The following SUMF1 variants were observed in gnomAD, a reference collection of about 807,000 sequenced individuals.
SUMF1 encodes sulfatase modifying factor 1, also known as formylglycine-generating enzyme.
SUMF1 carries 48 observed loss-of-function variants against 47.6 expected under a neutral mutation model. The ratio of observed to expected loss-of-function variants is 1.01; its 90% CI spans 0.80 to 1.28. The LOEUF (loss-of-function observed/expected upper bound fraction) is 1.28. SUMF1 is among the 50% of genes most tolerant of loss of function. The pLI is 0.00. For synonymous variants in SUMF1, 230 were observed against 192.1 expected (o/e 1.20, Z -1.63); for missense variants, 571 against 485.4 (o/e 1.18, Z -1.66).
chr3:4,359,786 A>C (rs2125169882), downstream of SUMF1, among the ~76,000 whole-genome samples: 1 of 152,182 alleles, frequency 6.6e-6, no homozygotes, highest in South Asian at 2.1e-4. Flanking sequence ...ACACCTGGGG[A>C]TTATGGGAAC....
intron 8 of SUMF1, among the ~76,000 whole-genome samples, chr3:4,209,943 G>A (rs531208290): frequency 5.9e-5 from 9 of 152,164 alleles, no homozygotes; most frequent in South Asian, 2.1e-4. Flanking sequence ...CACCCAGGCT[G>A]GAGTGCAGTG....
intron 7 of SUMF1, among the ~76,000 whole-genome samples, chr3:4,394,954 C>A (rs1321556105): frequency 6.6e-6 from 1 of 152,322 alleles, no homozygotes; most frequent in African/African-American, 2.4e-5. Context: ...GAGAAAGGAA[C>A]TCTTTGTTTT....
At chr3:4,456,652 G>A (rs1456265093) in intron 1 of SUMF1, among the ~76,000 whole-genome samples, 5 of 137,732 alleles carry the variant, frequency 3.6e-5, no homozygotes, top group African/African-American at 1.2e-4. Context: ...ATATATATAT[G>A]TGTGTGTATA....
At chr3:4,231,193 T>C (rs1044464811) in intron 8 of SUMF1, among the ~76,000 whole-genome samples, 1 of 152,120 alleles carries the variant, frequency 6.6e-6, no homozygotes, top group African/African-American at 2.4e-5. Flanking sequence ...TTTTGAGAGG[T>C]GGGAACGCAT....
chr3:4,134,235 A>C (rs1693865103), intron 8 of SUMF1, among the ~76,000 whole-genome samples: 1 of 152,106 alleles, frequency 6.6e-6, no homozygotes, highest in Admixed American at 6.5e-5. Flanking sequence ...ACTCCTCAGC[A>C]AATGTAAAAG....
chr3:4,175,414 C>G (rs1269831000), intron 8 of SUMF1, among the ~76,000 whole-genome samples: 1 of 152,106 alleles, frequency 6.6e-6, no homozygotes, highest in East Asian at 1.9e-4. Flanking sequence ...GAGTGGAACT[C>G]CAGCAAACTC....
At chr3:4,387,848 G>C (rs1233471817) in intron 7 of SUMF1, among the ~76,000 whole-genome samples, 3 of 151,932 alleles carry the variant, frequency 2.0e-5, no homozygotes, top group Non-Finnish European at 4.4e-5. Context: ...TTAGAAGCGT[G>C]TTTCATAGTT....
intron 8 of SUMF1, among the ~76,000 whole-genome samples, chr3:4,231,535 A>T (rs1696299696): frequency 6.6e-6 from 1 of 152,186 alleles, no homozygotes; most frequent in Non-Finnish European, 1.5e-5. Flanking sequence ...ACTTGAATTG[A>T]TTATTTTGAA....
intron 8 of SUMF1, among the ~76,000 whole-genome samples, chr3:4,195,679 A>C (rs1189765772): frequency 6.6e-6 from 1 of 152,178 alleles, no homozygotes; most frequent in East Asian, 1.9e-4. Flanking sequence ...CTGAATATTC[A>C]AAAAGCAGAT....
intron 8 of SUMF1, among the ~76,000 whole-genome samples, chr3:4,169,450 C>T (rs1485264): frequency 0.019 from 2,853 of 152,112 alleles, 84 homozygotes; most frequent in African/African-American, 0.066. Context: ...GTGACTGGAA[C>T]GAGGCATCTA....
At chr3:4,251,042 A>T (rs148203761) in intron 8 of SUMF1, among the ~76,000 whole-genome samples, 27 of 152,334 alleles carry the variant, frequency 1.8e-4, no homozygotes, top group African/African-American at 6.0e-4. Flanking sequence ...TGCCATAGAT[A>T]ATGATTCCTC....
intron 8 of SUMF1, among the ~76,000 whole-genome samples, chr3:4,080,703 T>C (rs773366450): frequency 2.6e-4 from 40 of 152,182 alleles, no homozygotes; most frequent in African/African-American, 3.6e-4. Flanking sequence ...AATAAAAGAA[T>C]ACAATATAAA....
intron 8 of SUMF1, among the ~76,000 whole-genome samples, chr3:4,206,980 A>G (rs1277654080): frequency 6.6e-6 from 1 of 152,118 alleles, no homozygotes; most frequent in East Asian, 1.9e-4. Context: ...CTTCTAATCC[A>G]CAAACATAGT....
chr3:4,191,733 T>C (rs1695319052), intron 8 of SUMF1, among the ~76,000 whole-genome samples: 1 of 152,056 alleles, frequency 6.6e-6, no homozygotes, highest in Non-Finnish European at 1.5e-5. Flanking sequence ...AACATCTGGG[T>C]CAGTAATAAT....
chr3:4,131,175 T>G (rs778970876), intron 8 of SUMF1, among the ~76,000 whole-genome samples: 28 of 152,168 alleles, frequency 1.8e-4, no homozygotes, highest in Admixed American at 6.5e-4. Flanking sequence ...TTCTGACCCA[T>G]CTAGCCATGA....
At chr3:4,435,178 C>A (rs758941283) in intron 3 of SUMF1, among the ~76,000 whole-genome samples, 5 of 152,148 alleles carry the variant, frequency 3.3e-5, no homozygotes, top group African/African-American at 9.7e-5. Flanking sequence ...CCGCCCACCT[C>A]GGCCGCCCAA....
At chr3:4,170,801 T>G (rs552098452) in intron 8 of SUMF1, among the ~76,000 whole-genome samples, 1 of 152,190 alleles carries the variant, frequency 6.6e-6, no homozygotes, top group Non-Finnish European at 1.5e-5. Flanking sequence ...AAAACGAACT[T>G]TGATTCATTC....
At chr3:4,075,595 C>T (rs180680229) in intron 8 of SUMF1, among the ~76,000 whole-genome samples, 2 of 152,210 alleles carry the variant, frequency 1.3e-5, no homozygotes, top group African/African-American at 4.8e-5. Flanking sequence ...AAAACCCCAT[C>T]ATCTCAGCCC....
At chr3:4,125,715 C>T (rs1488700051) in intron 8 of SUMF1, among the ~76,000 whole-genome samples, 2 of 152,160 alleles carry the variant, frequency 1.3e-5, no homozygotes, top group African/African-American at 4.8e-5. Flanking sequence ...TACTCTGCCA[C>T]CCAGGCTAGA....
Sources: allele counts gnomAD v4.1 joint callset (sites outside exome capture counted in the v4.1 genomes callset), GRCh38; gene constraint gnomAD v4.1.1; transcripts MANE v1.5; gene names NCBI Gene and HGNC (gene_info 2026-07-23, HGNC 2026-07-21).